NALF1: variants seen among roughly 807,000 people sequenced by gnomAD.
NALF1 encodes NALCN channel auxiliary factor 1.
In NALF1, 3 loss-of-function variants were observed where a neutral mutation model predicts 48.4. That is an observed-to-expected ratio of 0.06 (90% CI 0.03 to 0.16). NALF1 has a LOEUF of 0.16. NALF1 is among the 10% of genes least tolerant of loss of function. The pLI is 1.00. For synonymous variants in NALF1, 262 were observed against 245.7 expected (o/e 1.07, Z -0.62); for missense variants, 526 against 571.5 (o/e 0.92, Z 0.81).
intron 1 of NALF1, among the ~76,000 whole-genome samples, chr13:107,799,630 A>T (rs1878540197): frequency 6.6e-6 from 1 of 152,238 alleles, no homozygotes; most frequent in African/African-American, 2.4e-5. Flanking sequence ...ATCTTATGGT[A>T]GAAGGATCTA....
chr13:107,320,371 C>T (rs866324805), intron 1 of NALF1, among the ~76,000 whole-genome samples: 34 of 152,096 alleles, frequency 2.2e-4, no homozygotes, highest in African/African-American at 7.7e-4. Context: ...ACTTAACCAA[C>T]AAAATCATCT....
At chr13:107,317,540 T>C (rs908490422) in intron 1 of NALF1, among the ~76,000 whole-genome samples, 3 of 152,054 alleles carry the variant, frequency 2.0e-5, no homozygotes, top group Non-Finnish European at 4.4e-5. Context: ...CAAATTCTGA[T>C]ACTAAAACAC....
chr13:107,476,799 A>T (rs1275811898), intron 1 of NALF1, among the ~76,000 whole-genome samples: 1 of 152,152 alleles, frequency 6.6e-6, no homozygotes, highest in African/African-American at 2.4e-5. Flanking sequence ...AGAGACAACC[A>T]CAGAGACCCT....
intron 1 of NALF1, among the ~76,000 whole-genome samples, chr13:107,471,267 T>A (rs764384087): frequency 6.6e-6 from 1 of 151,550 alleles, no homozygotes; most frequent in Non-Finnish European, 1.5e-5. Flanking sequence ...GCGGATTATA[T>A]TCCTTCTAAA....
At chr13:107,850,897 C>CA (rs1880296027) in intron 1 of NALF1, among the ~76,000 whole-genome samples, 1 of 151,148 alleles carries the variant, frequency 6.6e-6, no homozygotes, top group Non-Finnish European at 1.5e-5. Flanking sequence ...AGCGAGACTC[C>CA]ATCTCCAAAA....
chr13:107,385,886 C>T (rs1883522725), intron 1 of NALF1, among the ~76,000 whole-genome samples: 1 of 152,090 alleles, frequency 6.6e-6, no homozygotes, highest in South Asian at 2.1e-4. Flanking sequence ...ATGGCCCTTG[C>T]TTTGTTAAAT....
intron 1 of NALF1, among the ~76,000 whole-genome samples, chr13:107,495,054 A>G (rs1875284683): frequency 6.6e-6 from 1 of 152,340 alleles, no homozygotes; most frequent in South Asian, 2.1e-4. Context: ...AGCACACCAC[A>G]CAAATGGATA....
intron 1 of NALF1, among the ~76,000 whole-genome samples, chr13:107,639,855 T>C (rs1594177471): frequency 6.6e-6 from 1 of 152,210 alleles, no homozygotes; most frequent in African/African-American, 2.4e-5. Context: ...ATGAGTGATA[T>C]TGTGCTCTAC....
At chr13:107,690,364 G>T (rs886603114) in intron 1 of NALF1, among the ~76,000 whole-genome samples, 1 of 152,228 alleles carries the variant, frequency 6.6e-6, no homozygotes, top group Non-Finnish European at 1.5e-5. Flanking sequence ...CACATTCTTA[G>T]TGTGCAATTA....
intron 1 of NALF1, among the ~76,000 whole-genome samples, chr13:107,778,475 C>T (rs1271543742): frequency 1.3e-5 from 2 of 152,088 alleles, no homozygotes; most frequent in African/African-American, 2.4e-5. Flanking sequence ...ATTTTAAAGA[C>T]CTGTATGTGG....
intron 1 of NALF1, among the ~76,000 whole-genome samples, chr13:107,762,381 C>T (rs954652901): frequency 1.1e-4 from 17 of 151,914 alleles, no homozygotes; most frequent in African/African-American, 3.6e-4. Context: ...ACATATGTAA[C>T]AAACCTGCAC....
intron 1 of NALF1, among the ~76,000 whole-genome samples, chr13:107,550,286 G>A (rs1421049478): frequency 1.3e-5 from 2 of 152,026 alleles, no homozygotes; most frequent in Non-Finnish European, 2.9e-5. Flanking sequence ...CACTGTCTCT[G>A]AATCTATACC....
rs546695165 is a variant in NALF1, at chr13:107,567,119, C to T, written c.915+298563G>A. ...TGTCTTCAACAGTTTAATGAACATT[C>T]TTCCAATTTTGTCCTTATATGTGAT... is the stretch of plus-strand genomic sequence containing the variant. On this transcript the variant is annotated intron_variant, in intron 1 of 2. Transcript: ENST00000375915. Among the ~76,000 whole-genome samples the T allele has an allele frequency of 2.3e-4, 35 of 152,198 alleles. No homozygotes were observed. In the South Asian group the frequency reaches 6.4e-3, roughly 28 times the overall value.
intron 1 of NALF1, among the ~76,000 whole-genome samples, chr13:107,604,847 T>C (rs1879023072): frequency 6.6e-6 from 1 of 152,122 alleles, no homozygotes; most frequent in Non-Finnish European, 1.5e-5. Context: ...CAAGTCCCCC[T>C]CTCAATCTCA....
chr13:107,406,623 T>A (rs1368202683), intron 1 of NALF1, among the ~76,000 whole-genome samples: 1 of 151,916 alleles, frequency 6.6e-6, no homozygotes, highest in Non-Finnish European at 1.5e-5. Flanking sequence ...AATCTCTATC[T>A]CTATTTTGAT....
chr13:107,459,305 G>A (rs544619506), intron 1 of NALF1, among the ~76,000 whole-genome samples: 11 of 152,072 alleles, frequency 7.2e-5, no homozygotes, highest in South Asian at 2.1e-4. Context: ...GAAATTAAGC[G>A]TGTTATTTTT....
chr13:107,288,449 A>G (rs1197717442), intron 1 of NALF1, among the ~76,000 whole-genome samples: 2 of 148,306 alleles, frequency 1.3e-5, no homozygotes, highest in Non-Finnish European at 3.0e-5. Context: ...TGCACTCCTG[A>G]CCTCAGGTGA....
At chr13:107,515,721 G>A (rs1224619395) in intron 1 of NALF1, among the ~76,000 whole-genome samples, 4 of 152,098 alleles carry the variant, frequency 2.6e-5, no homozygotes, top group African/African-American at 4.8e-5. Context: ...TGTACATTAC[G>A]TTTCCCACAC....
chr13:107,524,143 C>T (rs565252822), intron 1 of NALF1, among the ~76,000 whole-genome samples: 1 of 152,104 alleles, frequency 6.6e-6, no homozygotes, highest in South Asian at 2.1e-4. Context: ...ACTTTGGGTA[C>T]TTCTTAACAA....
Sources: gnomAD v4.1 joint callset for allele counts (sites outside exome capture counted in the v4.1 genomes callset) on GRCh38, gnomAD v4.1.1 for gene constraint, MANE v1.5 for transcripts, NCBI Gene and HGNC (gene_info 2026-07-23, HGNC 2026-07-21) for gene names.